The following SRD5A1 variants were observed in gnomAD, a reference collection of about 807,000 sequenced individuals.
The protein encoded by SRD5A1 is 3-oxo-5-alpha-steroid 4-dehydrogenase 1.
In SRD5A1, 22 loss-of-function variants were observed where a neutral mutation model predicts 28.2. The ratio of observed to expected loss-of-function variants is 0.78; its 90% CI spans 0.56 to 1.12. SRD5A1 has a LOEUF of 1.12. Ranked by LOEUF, SRD5A1 falls within the 50% of genes most tolerant of loss-of-function variation. The pLI is 0.00. For synonymous variants in SRD5A1, 151 were observed against 135.0 expected (o/e 1.12, Z -0.82); for missense variants, 300 against 346.7 (o/e 0.87, Z 1.07).
chr5:6,651,887 A>C lies in SRD5A1; in HGVS notation c.339A>C (p.Pro113=). 6.2e-7 allele frequency: 1 copy of C among 1,613,550 alleles called. No homozygotes were observed. The highest frequency in any genetic ancestry group is 8.5e-7 in the Non-Finnish European group (1 of 1,179,784). ...TGATGCGAGGAGGAAAGCCTATGCCACTGTTGGCGTGTACAATGGCGATTA... is the reference window on the plus strand; with the variant it reads ...TGATGCGAGGAGGAAAGCCTATGCCCCTGTTGGCGTGTACAATGGCGATTA... ...PFLMRGGKPM[P]LLACTMAIMF... is the part of the protein sequence containing the mutation. Residue 113 remains proline, a synonymous_variant, in exon 2 of 5, where the codon CCA becomes CCC. Transcript: ENST00000274192.
At chr5:6,656,868 T>C (rs1472135823) in intron 3 of SRD5A1, among the ~76,000 whole-genome samples, 1 of 151,976 alleles carries the variant, frequency 6.6e-6, no homozygotes, top group Non-Finnish European at 1.5e-5. Flanking sequence ...GGTCACAAGG[T>C]ACAGAACCCA....
intron 2 of SRD5A1, among the ~76,000 whole-genome samples, chr5:6,655,463 G>A (rs918330263): frequency 6.6e-5 from 10 of 152,230 alleles, no homozygotes; most frequent in Admixed American, 1.3e-4. Flanking sequence ...GGAGACTCTT[G>A]TCAAGAACCG....
At chr5:6,651,754 A>AT in intron 1 of SRD5A1, 88 bp from the exon 2 acceptor site, 1 of 1,299,008 alleles carries the variant, frequency 7.7e-7, no homozygotes, top group Non-Finnish European at 1.1e-6. Context: ...AGAAAGTAAG[A>AT]TTTAAAACCC....
chr5:6,669,677 A>G lies in SRD5A1; in HGVS notation c.*1409A>G, dbSNP rs1370700968. On this transcript the variant is annotated 3_prime_UTR_variant, in exon 5 of 5. Coordinates refer to ENST00000274192, the MANE Select transcript of SRD5A1 (RefSeq NM_001047.4). ...TGTTTACTATCTACAGTGATTTGGA[A>G]AGGAGATTTCCTTTAAAACAAACAA... 6.6e-6 allele frequency: 1 copy of G among 152,222 alleles called. No homozygotes were observed. Among genetic ancestry groups the G allele is most frequent in the Non-Finnish European group, 1.5e-5 (1 of 68,050 alleles). 9.4% of individuals were successfully genotyped at this position (152,222 alleles called of 1,614,324 possible).
intron 3 of SRD5A1, among the ~76,000 whole-genome samples, chr5:6,657,586 A>G (rs532106726): frequency 2.6e-4 from 40 of 152,348 alleles, no homozygotes; most frequent in Non-Finnish European, 4.6e-4. Context: ...AGCCAGACTA[A>G]GAAGGGACAG....
At chr5:6,651,730 A>T in intron 1 of SRD5A1, 112 bp from the exon 2 acceptor site, 1 of 970,174 alleles carries the variant, frequency 1.0e-6, no homozygotes, top group South Asian at 1.8e-5. Context: ...GTTACTGAGG[A>T]TGACATTTGT....
At chr5:6,660,580 A>G (rs537776148) in intron 3 of SRD5A1, among the ~76,000 whole-genome samples, 58 of 152,368 alleles carry the variant, frequency 3.8e-4, no homozygotes, top group African/African-American at 1.3e-3. Flanking sequence ...CATGGCCCAG[A>G]AGGAACAGCG....
intron 2 of SRD5A1, among the ~76,000 whole-genome samples, chr5:6,654,076 A>G (rs868678116): frequency 6.6e-6 from 1 of 151,372 alleles, no homozygotes; most frequent in Non-Finnish European, 1.5e-5. Flanking sequence ...TTTTTTTGAG[A>G]TGGAGTTTCT....
chr5:6,647,350 T>C (rs1010527411), intron 1 of SRD5A1, among the ~76,000 whole-genome samples: 6 of 152,214 alleles, frequency 3.9e-5, no homozygotes, highest in African/African-American at 1.4e-4. Flanking sequence ...TCTGTCTCAT[T>C]GATCTGTCTA....
intron 4 of SRD5A1, among the ~76,000 whole-genome samples, chr5:6,663,810 A>G (rs1032020792): frequency 2.6e-5 from 4 of 152,086 alleles, no homozygotes; most frequent in Admixed American, 2.6e-4. Context: ...CAGTGAGCCG[A>G]TATCGCACCA....
intron 1 of SRD5A1, among the ~76,000 whole-genome samples, chr5:6,639,959 T>TA (rs1264824081): frequency 6.6e-6 from 1 of 152,240 alleles, no homozygotes; most frequent in Non-Finnish European, 1.5e-5. Flanking sequence ...GCAGTAGAGA[T>TA]ACACACATAC....
chr5:6,648,757 A>G (rs1258062108), intron 1 of SRD5A1, among the ~76,000 whole-genome samples: 2 of 152,128 alleles, frequency 1.3e-5, no homozygotes, highest in Admixed American at 6.5e-5. Flanking sequence ...TCTGAAGCCT[A>G]CTTCTGTCAA....
chr5:6,641,042 C>G (rs1258397262), intron 1 of SRD5A1, among the ~76,000 whole-genome samples: 2 of 152,148 alleles, frequency 1.3e-5, no homozygotes. Context: ...GCTGTGAGTG[C>G]CCATGCCTGT....
Position 6,662,891 on chromosome 5 carries a change from G to C in SRD5A1, c.638G>C (p.Ser213Thr). The C allele has an allele frequency of 4.3e-6, 7 of 1,613,692 alleles. No individual in the cohort carries two copies. Among genetic ancestry groups the C allele is most frequent in the Non-Finnish European group, 5.1e-6 (6 of 1,180,048 alleles). ...IMEWCGYALA[S>T]WSVQGAAFAF... ...GAGTGGTGTGGCTATGCCCTGGCCA[G>C]CTGGTCTGTCCAAGGCGCGGCTTTT... Residue 213 changes from serine (S) to threonine (T), a missense_variant, in exon 4 of 5, where the codon AGC (serine) becomes ACC (threonine). Transcript: ENST00000274192.
rs1739253471 is a variant in SRD5A1, at chr5:6,668,340, G to C, written c.*72G>C. 1 of 922,326 alleles carries C rather than the reference G, an allele frequency of 1.1e-6. No homozygotes were observed. The highest frequency in any genetic ancestry group is 2.7e-5 in the Admixed American group (1 of 37,008). 57.1% of individuals were successfully genotyped at this position (922,326 alleles called of 1,614,324 possible). ...GCTTCTCTATGGACTTTGTAAATAA[G>C]TTATATCTTTGTAATTTTCCTGCTA... On this transcript the variant is annotated 3_prime_UTR_variant, in exon 5 of 5. Coordinates refer to ENST00000274192, the MANE Select transcript of SRD5A1 (RefSeq NM_001047.4).
At chr5:6,658,332 TAAAAA>T (rs918686450) in intron 3 of SRD5A1, among the ~76,000 whole-genome samples, 2 of 151,448 alleles carry the variant, frequency 1.3e-5, no homozygotes, top group African/African-American at 4.9e-5. Context: ...CTAAAAAAAA[TAAAAA>T]AAATAAAATG....
intron 1 of SRD5A1, among the ~76,000 whole-genome samples, chr5:6,637,101 A>T (rs1383362703): frequency 1.3e-5 from 2 of 152,066 alleles, no homozygotes; most frequent in African/African-American, 2.4e-5. Flanking sequence ...TCTTGGGTGC[A>T]GGGGCGGCAG....
In SRD5A1 at chr5:6,633,825, C is replaced by T. The variant is rs1183697571; in HGVS notation, c.249C>T (p.Pro83=). Residue 83 remains proline, a synonymous_variant, in exon 1 of 5, where the codon CCC becomes CCT. Coordinates refer to ENST00000274192, the MANE Select transcript of SRD5A1 (RefSeq NM_001047.4). ...CCGCCCCGCGTCTCCGCAGCGCGCCCAACTGCATCCTCCTGGCCATGTTCC... is the reference window on the plus strand; with the variant it reads ...CCGCCCCGCGTCTCCGCAGCGCGCCTAACTGCATCCTCCTGGCCATGTTCC... ...SESAPRLRSA[P]NCILLAMFLV... 1 of 1,597,870 alleles carries T rather than the reference C, an allele frequency of 6.3e-7. No homozygotes were observed. Among genetic ancestry groups the T allele is most frequent in the Admixed American group, 1.7e-5 (1 of 60,008 alleles).
chr5:6,652,893 A>AC (rs1738721565), intron 2 of SRD5A1, among the ~76,000 whole-genome samples: 1 of 145,196 alleles, frequency 6.9e-6, no homozygotes, highest in Admixed American at 6.9e-5. Flanking sequence ...AAAAAAAAAA[A>AC]CTCAGGGATC....
Sources: allele counts gnomAD v4.1 joint callset (sites outside exome capture counted in the v4.1 genomes callset), GRCh38; gene constraint gnomAD v4.1.1; transcripts MANE v1.5; gene names NCBI Gene and HGNC (gene_info 2026-07-23, HGNC 2026-07-21).